The following NEK10 variants were observed in gnomAD, a reference collection of about 807,000 sequenced individuals.
NEK10 encodes the protein serine/threonine-protein kinase Nek10.
NEK10 carries 122 observed loss-of-function variants against 159.8 expected under a neutral mutation model. The ratio of observed to expected loss-of-function variants is 0.76; its 90% CI spans 0.66 to 0.89. The LOEUF is 0.89. Ranked by LOEUF, NEK10 falls within the 40% of genes least tolerant of loss-of-function variation. NEK10 has a pLI of 0.00. For synonymous variants in NEK10, 466 were observed against 457.1 expected (o/e 1.02, Z -0.25); for missense variants, 1,342 against 1,323.1 (o/e 1.01, Z -0.22).
chr3:27,233,599 G>T (rs1358557860), intron 23 of NEK10, among the ~76,000 whole-genome samples: 2 of 151,884 alleles, frequency 1.3e-5, no homozygotes, highest in African/African-American at 4.8e-5. Flanking sequence ...ATGCATGTTT[G>T]TAGCAGCACA....
At chr3:27,307,709 T>G (rs1363020408) in intron 11 of NEK10, 150 bp downstream of exon 11, 3 of 614,058 alleles carry the variant, frequency 4.9e-6, no homozygotes, top group South Asian at 3.8e-5. Context: ...TGCTCTATTT[T>G]CTTTATATAA....
chr3:27,209,414 C>T (rs888117880), intron 23 of NEK10, among the ~76,000 whole-genome samples: 3 of 152,180 alleles, frequency 2.0e-5, no homozygotes, highest in Non-Finnish European at 4.4e-5. Context: ...TTATATTGGG[C>T]ATTTGGGACA....
chr3:27,149,941 A>G (rs1559516965), intron 30 of NEK10, among the ~76,000 whole-genome samples: 1 of 152,252 alleles, frequency 6.6e-6, no homozygotes, highest in Non-Finnish European at 1.5e-5. Flanking sequence ...AACAGTGAAC[A>G]CATGAATAAT....
chr3:27,126,402 AG>A (rs1941948754), intron 32 of NEK10, among the ~76,000 whole-genome samples: 1 of 152,222 alleles, frequency 6.6e-6, no homozygotes, highest in Admixed American at 6.5e-5. Flanking sequence ...ACAGAAATGC[AG>A]AATATTGGGT....
In NEK10 at chr3:27,273,921, C is replaced by T. The variant is rs187603156; in HGVS notation, c.2014+10681G>A. Among the ~76,000 whole-genome samples the T allele has an allele frequency of 5.4e-5, 8 of 147,664 alleles. No homozygotes were observed. In the East Asian group the frequency reaches 1.5e-3, roughly 29 times the overall value. On this transcript the variant is annotated intron_variant, in intron 22 of 35. Coordinates refer to ENST00000691995, the MANE Select transcript of NEK10 (RefSeq NM_001394966.1). ...ATGCTCAGAGTTTTCCCTCAACGAA[C>T]CCCTGTCTCACTGACACTTCCTCCT...
In NEK10 at chr3:27,201,453, T is replaced by C. The variant is rs75681049; in HGVS notation, c.2291+57A>G. ...TTTATCCATAAATAGTGATTTATTA[T>C]AGAAATGAGGTATTTCTTGATTGTC... On this transcript the variant is annotated intron_variant, in intron 25 of 35. Coordinates refer to ENST00000691995, the MANE Select transcript of NEK10 (RefSeq NM_001394966.1). 1,928 of 1,368,912 alleles carry C rather than the reference T, an allele frequency of 1.4e-3. 29 individuals carry two copies. In the African/African-American group the frequency reaches 0.022, roughly 16 times the overall value. The allele number at this position is 1,368,912 out of a possible 1,614,324, so 84.8% of individuals were successfully genotyped here.
rs528074001 is a variant in NEK10 at position 27,210,540 on chromosome 3, C to T, written c.2091-7983G>A. ...ACTCTGTATAACGAGACCACCTTCA[C>T]TAGCCAGGCCTTTTCTTGTCCCTCC... On this transcript the variant is annotated intron_variant, in intron 23 of 35. Transcript: ENST00000691995. 3.9e-5 allele frequency among the ~76,000 whole-genome samples: 6 copies of T among 152,320 alleles called. No individual in the cohort carries two copies. The South Asian group carries it at 1.2e-3, about 32-fold the overall frequency.
intron 9 of NEK10, chr3:27,310,705 G>T: frequency 2.7e-6 from 1 of 373,616 alleles, no homozygotes. Context: ...AAACCTAGTT[G>T]GTATTAAATG....
chr3:27,179,282 A>C (rs1947827272), intron 26 of NEK10, among the ~76,000 whole-genome samples: 1 of 152,216 alleles, frequency 6.6e-6, no homozygotes. Flanking sequence ...TTTTGAACTT[A>C]TTAAATATTT....
intron 23 of NEK10, among the ~76,000 whole-genome samples, chr3:27,217,528 C>T (rs1013366059): frequency 1.3e-5 from 2 of 152,086 alleles, no homozygotes; most frequent in African/African-American, 4.8e-5. Context: ...AGTGGGACAT[C>T]CGCCCCCATG....
intron 29 of NEK10, among the ~76,000 whole-genome samples, chr3:27,169,047 C>A (rs1489066182): frequency 6.6e-6 from 1 of 152,052 alleles, no homozygotes; most frequent in Non-Finnish European, 1.5e-5. Flanking sequence ...TGGACATCAA[C>A]CGGATTTGTG....
chr3:27,362,600 C>A (rs982796454), intron 1 of NEK10, among the ~76,000 whole-genome samples: 4 of 149,744 alleles, frequency 2.7e-5, no homozygotes, highest in African/African-American at 9.8e-5. Context: ...GTGGTTTTTG[C>A]CATTACTTTC....
At chr3:27,158,135 A>G (rs1481654024) in intron 30 of NEK10, among the ~76,000 whole-genome samples, 2 of 152,172 alleles carry the variant, frequency 1.3e-5, no homozygotes, top group Non-Finnish European at 2.9e-5. Context: ...TATCTGTGAG[A>G]TACACCTATA....
chr3:27,351,478 G>A (rs187845189), intron 3 of NEK10, among the ~76,000 whole-genome samples: 2 of 152,278 alleles, frequency 1.3e-5, no homozygotes, highest in Admixed American at 6.5e-5. Context: ...CTTTGTGGCT[G>A]TTTCCTCATC....
chr3:27,302,711 G>C (rs952867851), intron 12 of NEK10, among the ~76,000 whole-genome samples: 3 of 151,918 alleles, frequency 2.0e-5, no homozygotes, highest in African/African-American at 7.3e-5. Flanking sequence ...GAATTTCTCT[G>C]TGCCTAAATG....
intron 22 of NEK10, among the ~76,000 whole-genome samples, chr3:27,282,997 C>A (rs542732793): frequency 1.1e-4 from 16 of 152,030 alleles, no homozygotes; most frequent in Non-Finnish European, 2.2e-4. Context: ...TTTCACAATG[C>A]ATTGGCTTCG....
chr3:27,331,823 C>T (rs992880364), intron 5 of NEK10, among the ~76,000 whole-genome samples: 16 of 152,198 alleles, frequency 1.1e-4, no homozygotes, highest in African/African-American at 3.6e-4. Flanking sequence ...ATCGTGGAAA[C>T]ATTTCTCACC....
chr3:27,126,517 C>T (rs1336545939), intron 32 of NEK10, among the ~76,000 whole-genome samples: 1 of 152,064 alleles, frequency 6.6e-6, no homozygotes, highest in African/African-American at 2.4e-5. Context: ...TCACAGTGGG[C>T]AGGTACTATA....
At chr3:27,206,157 TAG>T (rs1950523112) in intron 23 of NEK10, among the ~76,000 whole-genome samples, 1 of 152,222 alleles carries the variant, frequency 6.6e-6, no homozygotes, top group Non-Finnish European at 1.5e-5. Context: ...ATAAGAATTT[TAG>T]AGAGACACAA....
Sources: gnomAD v4.1 joint callset for allele counts (sites outside exome capture counted in the v4.1 genomes callset) on GRCh38, gnomAD v4.1.1 for gene constraint, MANE v1.5 for transcripts, NCBI Gene and HGNC (gene_info 2026-07-23, HGNC 2026-07-21) for gene names.